The following PFKFB1 variants were observed in gnomAD, a reference collection of about 807,000 sequenced individuals.
PFKFB1 encodes the protein 6-phosphofructo-2-kinase/fructose-2,6-biphosphatase 1.
A neutral mutation model predicts 46.4 loss-of-function variants in PFKFB1; 34 were observed. The ratio of observed to expected loss-of-function variants is 0.73; its 90% CI spans 0.56 to 0.98. The LOEUF (loss-of-function observed/expected upper bound fraction) is 0.98. Ranked by LOEUF, PFKFB1 falls within the 50% of genes least tolerant of loss-of-function variation. PFKFB1 has a pLI of 0.00. For synonymous variants in PFKFB1, 119 were observed against 133.8 expected, an observed-to-expected ratio of 0.89 and a Z score of 0.76; for missense variants, 393 against 376.3, an observed-to-expected ratio of 1.04 and a Z score of -0.37.
chrX:54,973,037 A>T (rs775311445), intron 1 of PFKFB1, among the ~76,000 whole-genome samples: 50 of 111,489 alleles, frequency 4.5e-4, no homozygotes, highest in African/African-American at 1.6e-3. Flanking sequence ...GTCTATTCAG[A>T]GATTCAACTT....
Position 54,963,376 on chromosome X carries a change from A to G in PFKFB1, c.104T>C (p.Ile35Thr), listed in dbSNP as rs972998087. Reference protein sequence around the residue: ...SRLQRRRGSSIPQFTNSPTMV... With the variant: ...SRLQRRRGSSTPQFTNSPTMV... The stretch of plus-strand genomic sequence containing the variant: ...TGTGGGGGAATTGGTAAACTGGGGT[A>G]TGGATGCTGAAAAATAAACAGACCC... The change falls in exon 2 of 14, where the codon ATA becomes ACA. Residue 35 changes from isoleucine (I) to threonine (T), a missense_variant. Ile to Thr is a moderately conservative substitution (Grantham distance 89, BLOSUM62 -1). Transcript: ENST00000375006. 2.5e-6 allele frequency: 3 copies of G among 1,210,118 alleles called. No homozygotes were observed. Among genetic ancestry groups the G allele is most frequent in the Non-Finnish European group, 3.4e-6 (3 of 894,167 alleles).
intron 1 of PFKFB1, among the ~76,000 whole-genome samples, chrX:54,993,494 C>T (rs1227235888): frequency 8.9e-6 from 1 of 111,761 alleles, no homozygotes; most frequent in Non-Finnish European, 1.9e-5. Flanking sequence ...GGAGCCATCA[C>T]CTTATTTCAC....
intron 1 of PFKFB1, among the ~76,000 whole-genome samples, chrX:54,980,062 A>T (rs1244726174): frequency 1.8e-5 from 2 of 111,026 alleles, no homozygotes; most frequent in Non-Finnish European, 3.8e-5. Flanking sequence ...GTAAGTTGGA[A>T]GTGGATCCCT....
intron 1 of PFKFB1, among the ~76,000 whole-genome samples, chrX:54,963,740 A>AC (rs1316010855): frequency 2.5e-4 from 28 of 112,653 alleles, no homozygotes; most frequent in African/African-American, 8.1e-4. Context: ...GGGGCTGCAG[A>AC]CATAGGCAAT....
At chrX:54,994,587 C>A (rs1935329681), upstream of PFKFB1, 1 of 752,733 alleles carries the variant, frequency 1.3e-6, no homozygotes, top group Non-Finnish European at 1.6e-6. Flanking sequence ...AACACAAACA[C>A]AAAGTCCCTA....
chrX:54,981,857 T>G, intron 1 of PFKFB1, among the ~76,000 whole-genome samples: 1 of 111,360 alleles, frequency 9.0e-6, no homozygotes, highest in Middle Eastern at 4.7e-3. Context: ...ATTAGAGAAC[T>G]GAGGCCATAG....
chrX:54,993,021 C>G (rs1332690283), intron 1 of PFKFB1, among the ~76,000 whole-genome samples: 1 of 111,805 alleles, frequency 8.9e-6, no homozygotes, highest in Non-Finnish European at 1.9e-5. Flanking sequence ...TGGGCCTCCT[C>G]TAGCATTAGC....
At chrX:54,973,694 G>C (rs1934752399) in intron 1 of PFKFB1, among the ~76,000 whole-genome samples, 1 of 110,938 alleles carries the variant, frequency 9.0e-6, no homozygotes, top group Admixed American at 9.6e-5. Flanking sequence ...ATTGCACTGT[G>C]GTCTGAGAGA....
chrX:54,961,126 A>G (rs907800529), intron 2 of PFKFB1, among the ~76,000 whole-genome samples: 6 of 111,632 alleles, frequency 5.4e-5, no homozygotes, highest in Non-Finnish European at 9.4e-5. Context: ...ATAAATGAGG[A>G]AACTGAAAGT....
At chrX:54,974,974 G>A (rs1322431582) in intron 1 of PFKFB1, among the ~76,000 whole-genome samples, 2 of 111,165 alleles carry the variant, frequency 1.8e-5, no homozygotes, top group African/African-American at 6.6e-5. Flanking sequence ...CATGGATGTG[G>A]TGAAAAGGAA....
intron 10 of PFKFB1, among the ~76,000 whole-genome samples, chrX:54,942,037 T>A (rs1452059457): frequency 8.9e-6 from 1 of 112,226 alleles, no homozygotes; most frequent in East Asian, 2.8e-4. Context: ...ATGTGGCACA[T>A]ATACACCATG....
At chrX:54,971,497 C>A (rs1165470316) in intron 1 of PFKFB1, among the ~76,000 whole-genome samples, 1 of 111,646 alleles carries the variant, frequency 9.0e-6, no homozygotes, top group Non-Finnish European at 1.9e-5. Context: ...TTTCATCCAT[C>A]TTGAATTAAT....
chrX:54,949,306 C>T, intron 8 of PFKFB1, 85 bp from the exon 9 acceptor site: 1 of 783,979 alleles, frequency 1.3e-6, no homozygotes, highest in Non-Finnish European at 1.8e-6. Context: ...AAGCTCAGAT[C>T]TGCCACAAAT....
chrX:54,942,898 C>G (rs961240966), intron 10 of PFKFB1, among the ~76,000 whole-genome samples: 1 of 111,042 alleles, frequency 9.0e-6, no homozygotes, highest in African/African-American at 3.3e-5. Context: ...ATATTGGATA[C>G]TACTTAAATA....
At chrX:54,965,233 C>A (rs2146643554) in intron 1 of PFKFB1, among the ~76,000 whole-genome samples, 1 of 111,182 alleles carries the variant, frequency 9.0e-6, no homozygotes, top group South Asian at 3.8e-4. Context: ...AACCAAAAAC[C>A]ACACCCAGAC....
chrX:54,936,262 G>A (rs1933386048), intron 11 of PFKFB1, among the ~76,000 whole-genome samples: 1 of 109,423 alleles, frequency 9.1e-6, no homozygotes, highest in South Asian at 4.0e-4. Flanking sequence ...CACAGGACAG[G>A]ATTGGACTAG....
At chrX:54,942,257 G>C (rs961601312) in intron 10 of PFKFB1, among the ~76,000 whole-genome samples, 3 of 110,983 alleles carry the variant, frequency 2.7e-5, no homozygotes, top group East Asian at 2.8e-4. Flanking sequence ...GTGGAGGAAT[G>C]GGGGAGGGAT....
upstream of PFKFB1, chrX:54,998,443 T>C: frequency 8.7e-7 from 1 of 1,150,769 alleles, no homozygotes; most frequent in Non-Finnish European, 1.2e-6. Context: ...TCGCTAATTA[T>C]CCAACACTCG....
intron 11 of PFKFB1, among the ~76,000 whole-genome samples, chrX:54,937,247 AC>A (rs1933434405): frequency 8.9e-6 from 1 of 111,934 alleles, no homozygotes; most frequent in African/African-American, 3.2e-5. Context: ...ATTGAGGCAG[AC>A]TGTTAACGTT....
Sources: allele counts gnomAD v4.1 joint callset (sites outside exome capture counted in the v4.1 genomes callset), GRCh38; gene constraint gnomAD v4.1.1; transcripts MANE v1.5; gene names NCBI Gene and HGNC (gene_info 2026-07-23, HGNC 2026-07-21).